Variants in PACRG observed in about 807,000 individuals in gnomAD.
PACRG encodes parkin coregulated gene protein.
PACRG carries 29 observed loss-of-function variants against 29.7 expected under a neutral mutation model. That is an observed-to-expected ratio of 0.98 (90% CI 0.73 to 1.33). The LOEUF (loss-of-function observed/expected upper bound fraction) is 1.33, where lower values mean the gene tolerates loss of function less well. PACRG is among the 40% of genes most tolerant of loss of function. PACRG has a pLI of 0.00. For synonymous variants in PACRG, 116 were observed against 118.7 expected (o/e 0.98, Z 0.15); for missense variants, 279 against 316.2 (o/e 0.88, Z 0.89).
intron 4 of PACRG, among the ~76,000 whole-genome samples, chr6:163,217,849 T>C (rs991732277): frequency 2.0e-5 from 3 of 152,018 alleles, no homozygotes; most frequent in Non-Finnish European, 4.4e-5. Flanking sequence ...ACCATCTAGT[T>C]GCAGGAAGAC....
At chr6:162,826,881 A>G (rs1393370849) in intron 2 of PACRG, among the ~76,000 whole-genome samples, 2 of 152,184 alleles carry the variant, frequency 1.3e-5, no homozygotes, top group African/African-American at 2.4e-5. Flanking sequence ...AACCCTTCCA[A>G]TGGAAAACAT....
At chr6:162,844,180 G>C (rs1482852559) in intron 2 of PACRG, among the ~76,000 whole-genome samples, 2 of 150,816 alleles carry the variant, frequency 1.3e-5, no homozygotes, top group Admixed American at 1.3e-4. Flanking sequence ...GGCAATGGCG[G>C]GCGCCCCTCC....
intron 4 of PACRG, among the ~76,000 whole-genome samples, chr6:163,231,296 C>T (rs7744870): frequency 0.71 from 108,634 of 151,978 alleles, 39,772 homozygotes; most frequent in African/African-American, 0.88. Context: ...CACTCACTGC[C>T]ATGCCACTGA....
chr6:163,135,315 A>G (rs1313057841), intron 4 of PACRG, among the ~76,000 whole-genome samples: 1 of 151,918 alleles, frequency 6.6e-6, no homozygotes, highest in Non-Finnish European at 1.5e-5. Context: ...CAGCCTCCCA[A>G]GTAGCTGGGA....
intron 3 of PACRG, among the ~76,000 whole-genome samples, chr6:163,068,507 C>T (rs1811754757): frequency 6.6e-6 from 1 of 150,376 alleles, no homozygotes; most frequent in Admixed American, 6.6e-5. Flanking sequence ...TCAATTTTCC[C>T]AGGAAATTTC....
intron 4 of PACRG, among the ~76,000 whole-genome samples, chr6:163,252,419 G>A (rs1033912919): frequency 2.6e-5 from 4 of 152,254 alleles, no homozygotes; most frequent in Admixed American, 2.6e-4. Flanking sequence ...GTGATTCTGG[G>A]ATGGTAACTG....
chr6:163,182,773 A>T (rs1020664871), intron 4 of PACRG: 9 of 152,358 alleles, frequency 5.9e-5, no homozygotes, highest in Admixed American at 1.3e-4. Context: ...ATGGAAACTC[A>T]TAGATGTTAA....
intron 4 of PACRG, among the ~76,000 whole-genome samples, chr6:163,114,884 G>A (rs1355787520): frequency 3.3e-5 from 5 of 150,416 alleles, no homozygotes; most frequent in Non-Finnish European, 7.4e-5. Context: ...AGGTAATAAT[G>A]TGAGGTGATG....
intron 4 of PACRG, among the ~76,000 whole-genome samples, chr6:163,196,165 A>T (rs1029711295): frequency 5.3e-5 from 8 of 152,204 alleles, no homozygotes; most frequent in African/African-American, 1.9e-4. Context: ...TTCCCTGATC[A>T]TCTAGAGTTA....
At position 163,013,129 on chromosome 6, in the gene PACRG, GTTTTTAC is replaced by G. The variant is rs559393903; in HGVS notation, c.292-49010_292-49004del. ...TTATTAATATTATGTTTTCCTGTTTGTTTTTACTTTTTACTTTGGCTTTGAGAAAATT... is the reference window on the plus strand; with the variant it reads ...TTATTAATATTATGTTTTCCTGTTTGTTTTTACTTTGGCTTTGAGAAAATT... On this transcript the variant is annotated intron_variant, in intron 2 of 4. Transcript: ENST00000366888. Among the ~76,000 whole-genome samples, 92 of 151,784 alleles carry G rather than the reference GTTTTTAC, an allele frequency of 6.1e-4. 3 individuals carry two copies. In the East Asian group the frequency reaches 0.017, roughly 28 times the overall value.
At chr6:163,108,601 T>G (rs1815531766) in intron 4 of PACRG, among the ~76,000 whole-genome samples, 1 of 151,818 alleles carries the variant, frequency 6.6e-6, no homozygotes, top group African/African-American at 2.4e-5. Flanking sequence ...TTTTGCCATG[T>G]TGGTCTCGAA....
At chr6:163,244,527 G>C (rs58995546) in intron 4 of PACRG, among the ~76,000 whole-genome samples, 2 of 152,142 alleles carry the variant, frequency 1.3e-5, no homozygotes, top group Non-Finnish European at 2.9e-5. Context: ...ATTTTCGAAA[G>C]GAAGGCCCAG....
intron 4 of PACRG, among the ~76,000 whole-genome samples, chr6:163,177,703 A>G (rs1005236429): frequency 4.5e-5 from 3 of 67,026 alleles, no homozygotes; most frequent in African/African-American, 9.6e-5. Flanking sequence ...AAGAAATTAG[A>G]AAAGGGATTT....
At chr6:163,115,028 A>C (rs1208014415) in intron 4 of PACRG, among the ~76,000 whole-genome samples, 2 of 152,232 alleles carry the variant, frequency 1.3e-5, no homozygotes, top group African/African-American at 4.8e-5. Context: ...TAAAAGAGGA[A>C]GCTTCTTTAA....
chr6:163,155,020 C>T (rs1778255083), intron 4 of PACRG, among the ~76,000 whole-genome samples: 1 of 151,968 alleles, frequency 6.6e-6, no homozygotes, highest in South Asian at 2.1e-4. Flanking sequence ...TTATCCTTGG[C>T]CTCCAAAGCC....
At chr6:163,156,636 A>G (rs949101457) in intron 4 of PACRG, among the ~76,000 whole-genome samples, 2 of 152,190 alleles carry the variant, frequency 1.3e-5, no homozygotes, top group African/African-American at 4.8e-5. Flanking sequence ...GGGGGCCTAA[A>G]ACAGCAGAAA....
chr6:163,237,590 A>T (rs1782302546), intron 4 of PACRG, among the ~76,000 whole-genome samples: 1 of 152,212 alleles, frequency 6.6e-6, no homozygotes, highest in African/African-American at 2.4e-5. Flanking sequence ...TTTTTAAGAT[A>T]AAGTAAATTG....
At chr6:162,838,714 G>T (rs891562823) in intron 2 of PACRG, among the ~76,000 whole-genome samples, 1 of 150,058 alleles carries the variant, frequency 6.7e-6, no homozygotes, top group African/African-American at 2.5e-5. Flanking sequence ...CTAGCATTAC[G>T]TATATCTCCC....
intron 2 of PACRG, among the ~76,000 whole-genome samples, chr6:162,968,063 C>G (rs1157832763): frequency 1.3e-5 from 2 of 152,172 alleles, no homozygotes. Flanking sequence ...GAGTTACACA[C>G]TACCTATCTT....
Sources: gnomAD v4.1 joint callset for allele counts (sites outside exome capture counted in the v4.1 genomes callset) on GRCh38, gnomAD v4.1.1 for gene constraint, MANE v1.5 for transcripts, NCBI Gene and HGNC (gene_info 2026-07-23, HGNC 2026-07-21) for gene names.